Variants in INVS observed in about 807,000 individuals in gnomAD.
INVS encodes the protein inversion of embryo turning homolog.
Under a neutral mutation model 108.8 loss-of-function variants are expected in INVS, and 86 were observed. The ratio of observed to expected loss-of-function variants is 0.79; its 90% CI spans 0.66 to 0.95. The LOEUF (loss-of-function observed/expected upper bound fraction) is 0.95. Among genes scored for constraint, INVS ranks in the 40% least tolerant of loss-of-function variants. INVS has a pLI of 0.00. For synonymous variants in INVS, 455 were observed against 473.5 expected (o/e 0.96, Z 0.51); for missense variants, 1,169 against 1,297.4 (o/e 0.90, Z 1.52).
chr9:100,229,975 T>C (rs7033085), intron 5 of INVS, 148 bp downstream of exon 5: 38 of 761,372 alleles, frequency 5.0e-5, no homozygotes, highest in South Asian at 4.4e-4. Context: ...CCCCAAGAAG[T>C]AGAACATTTC....
At chr9:100,277,014 C>T (rs1382973502) in intron 12 of INVS, among the ~76,000 whole-genome samples, 1 of 152,186 alleles carries the variant, frequency 6.6e-6, no homozygotes, top group African/African-American at 2.4e-5. Context: ...AGAGTTTCAT[C>T]GTCACGTCCA....
At chr9:100,298,920 A>G (rs1451554580) in intron 16 of INVS, among the ~76,000 whole-genome samples, 2 of 152,346 alleles carry the variant, frequency 1.3e-5, no homozygotes, top group East Asian at 3.9e-4. Flanking sequence ...TGAGCAAATT[A>G]AAGAATCATT....
chr9:100,135,606 G>A (rs1828198858), intron 3 of INVS, among the ~76,000 whole-genome samples: 1 of 152,160 alleles, frequency 6.6e-6, no homozygotes, highest in African/African-American at 2.4e-5. Flanking sequence ...TTTTACTGGG[G>A]ACTCTTTTGA....
intron 5 of INVS, among the ~76,000 whole-genome samples, chr9:100,235,665 C>T (rs796484648): frequency 6.6e-6 from 1 of 152,148 alleles, no homozygotes; most frequent in East Asian, 1.9e-4. Flanking sequence ...GTTGAAAATT[C>T]TTTTCTTTAA....
chr9:100,136,799 G>A (rs1235438178), intron 3 of INVS, among the ~76,000 whole-genome samples: 2 of 152,188 alleles, frequency 1.3e-5, no homozygotes, highest in Non-Finnish European at 2.9e-5. Flanking sequence ...CAGTGCTTTG[G>A]GAGGCTGAGG....
chr9:100,162,819 T>G (rs1184940820), intron 3 of INVS, among the ~76,000 whole-genome samples: 1 of 142,448 alleles, frequency 7.0e-6, no homozygotes, highest in East Asian at 1.9e-4. Flanking sequence ...AGAGCAAGAC[T>G]CCATCTCAAA....
chr9:100,169,474 C>A (rs966847946), intron 3 of INVS, among the ~76,000 whole-genome samples: 28 of 152,098 alleles, frequency 1.8e-4, no homozygotes, highest in African/African-American at 6.3e-4. Flanking sequence ...AAGTAAATGA[C>A]TTTAAATTCC....
At chr9:100,114,571 G>A (rs952873363) in intron 2 of INVS, among the ~76,000 whole-genome samples, 4 of 151,212 alleles carry the variant, frequency 2.6e-5, no homozygotes. Context: ...CCAGCTAAGT[G>A]TGTGTGTGTG....
chr9:100,285,019 C>CTGTTGTT (rs1353750806), intron 13 of INVS, among the ~76,000 whole-genome samples: 2 of 152,186 alleles, frequency 1.3e-5, no homozygotes, highest in Admixed American at 1.3e-4. Context: ...TTCTGCTCTT[C>CTGTTGTT]TGTTGTTTCT....
chr9:100,259,411 A>G (rs1431528273), intron 10 of INVS, among the ~76,000 whole-genome samples: 1 of 151,800 alleles, frequency 6.6e-6, no homozygotes, highest in East Asian at 1.9e-4. Flanking sequence ...CTCACACTCC[A>G]TGGGCCACAC....
chr9:100,100,649 T>C (rs377177996), intron 1 of INVS, among the ~76,000 whole-genome samples: 1,111 of 42,494 alleles, frequency 0.026, 69 homozygotes, highest in African/African-American at 0.093. Flanking sequence ...TATATATGTA[T>C]ATATAATATA....
intron 3 of INVS, among the ~76,000 whole-genome samples, chr9:100,176,540 G>A (rs139557770): frequency 1.8e-4 from 27 of 152,080 alleles, no homozygotes; most frequent in Non-Finnish European, 2.8e-4. Flanking sequence ...GCAGTGGTGC[G>A]ATCTCAGCTC....
At chr9:100,174,363 G>A (rs1829641964) in intron 3 of INVS, among the ~76,000 whole-genome samples, 1 of 151,768 alleles carries the variant, frequency 6.6e-6, no homozygotes, top group Non-Finnish European at 1.5e-5. Flanking sequence ...TGAAGAGTCA[G>A]TGAACTTAAA....
At chr9:100,125,681 ATTTTTTT>A in intron 2 of INVS, among the ~76,000 whole-genome samples, 1 of 99,032 alleles carries the variant, frequency 1.0e-5, no homozygotes, top group South Asian at 3.6e-4. Flanking sequence ...ATCAACTGTG[ATTTTTTT>A]TTTTTTTTTT....
chr9:100,161,364 C>CAAAAAAAACAAAAA (rs1374455756), intron 3 of INVS, among the ~76,000 whole-genome samples: 1 of 12,370 alleles, frequency 8.1e-5, no homozygotes, highest in African/African-American at 3.0e-4. Flanking sequence ...ACTTCCATCT[C>CAAAAAAAACAAAAA]AAAAAAAAAA....
chr9:100,126,456 A>G lies in INVS; in HGVS notation c.180A>G (p.Arg60=). The G allele has an allele frequency of 6.2e-7, 1 of 1,614,164 alleles. No homozygotes were observed. The highest frequency in any genetic ancestry group is 8.5e-7 in the Non-Finnish European group (1 of 1,179,980). ...TPLMYCVLAD[R]LDCADALLKA... is the part of the protein sequence containing the mutation. ...TTATGTATTGCGTGTTGGCTGACAG[A>G]TTGGATTGTGCAGATGCTCTTCTGA... Residue 60 remains arginine, a synonymous_variant, in exon 3 of 17, where the codon AGA becomes AGG. Transcript: ENST00000262457.
chr9:100,207,839 A>G (rs1057302799), intron 3 of INVS, among the ~76,000 whole-genome samples: 1 of 152,168 alleles, frequency 6.6e-6, no homozygotes, highest in African/African-American at 2.4e-5. Flanking sequence ...GTAAAGCATA[A>G]AATTTCTAAT....
chr9:100,175,431 AC>A, intron 3 of INVS: 1 of 911,156 alleles, frequency 1.1e-6, no homozygotes, highest in Non-Finnish European at 1.8e-6. Flanking sequence ...GAAACAGATG[AC>A]CAGAACTGTG....
intron 10 of INVS, among the ~76,000 whole-genome samples, chr9:100,258,469 T>C (rs953121526): frequency 1.3e-5 from 2 of 152,212 alleles, no homozygotes; most frequent in African/African-American, 2.4e-5. Flanking sequence ...CTGTGTTCCT[T>C]TGAAGGAGAA....
Sources: allele counts gnomAD v4.1 joint callset (sites outside exome capture counted in the v4.1 genomes callset), GRCh38; gene constraint gnomAD v4.1.1; transcripts MANE v1.5; gene names NCBI Gene and HGNC (gene_info 2026-07-23, HGNC 2026-07-21).